Variants in SGCZ observed in about 807,000 individuals in gnomAD.
SGCZ encodes zeta-sarcoglycan.
Under a neutral mutation model 41.3 loss-of-function variants are expected in SGCZ, and 40 were observed. That is an observed-to-expected ratio of 0.97 (90% CI 0.75 to 1.26). The LOEUF is 1.26. Ranked by LOEUF, SGCZ falls within the 50% of genes most tolerant of loss-of-function variation. SGCZ has a pLI of 0.00. For missense variants in SGCZ, 552 were observed against 369.8 expected (o/e 1.49, Z -4.04); for synonymous variants, 206 against 137.5 (o/e 1.50, Z -3.49).
At chr8:14,783,433 C>CAA (rs879664630) in intron 1 of SGCZ, among the ~76,000 whole-genome samples, 2 of 84,632 alleles carry the variant, frequency 2.4e-5, no homozygotes. Flanking sequence ...GATTTTGTCT[C>CAA]AAAAAAAAAA....
intron 1 of SGCZ, among the ~76,000 whole-genome samples, chr8:15,075,990 T>A (rs956557027): frequency 2.0e-5 from 3 of 151,988 alleles, no homozygotes; most frequent in Non-Finnish European, 4.4e-5. Context: ...GGAACTAATA[T>A]CATACAGAGA....
chr8:14,145,186 C>T (rs1011670870), intron 5 of SGCZ, among the ~76,000 whole-genome samples: 24 of 152,226 alleles, frequency 1.6e-4, no homozygotes, highest in Non-Finnish European at 2.9e-4. Flanking sequence ...TGGTAGGGGC[C>T]ACAGGGGTGC....
intron 5 of SGCZ, among the ~76,000 whole-genome samples, chr8:14,121,742 G>C (rs2117036564): frequency 6.6e-6 from 1 of 152,242 alleles, no homozygotes; most frequent in East Asian, 1.9e-4. Flanking sequence ...CCAAAAATTT[G>C]AGTTCCAGAT....
At chr8:15,116,378 TA>T (rs1384667579) in intron 1 of SGCZ, among the ~76,000 whole-genome samples, 9 of 152,230 alleles carry the variant, frequency 5.9e-5, no homozygotes, top group Admixed American at 5.9e-4. Context: ...AACCTACAGA[TA>T]AGATAATACT....
At chr8:14,760,250 C>A (rs1799818706) in intron 1 of SGCZ, among the ~76,000 whole-genome samples, 1 of 152,166 alleles carries the variant, frequency 6.6e-6, no homozygotes, top group Admixed American at 6.5e-5. Context: ...CCCTTCGTAG[C>A]CTTTAACAAC....
chr8:14,524,948 A>C (rs1334465639), intron 2 of SGCZ, among the ~76,000 whole-genome samples: 1 of 152,078 alleles, frequency 6.6e-6, no homozygotes, highest in Non-Finnish European at 1.5e-5. Flanking sequence ...CTTCTCAGAG[A>C]GTTCAAAACA....
chr8:15,158,701 A>G (rs1050326789), intron 1 of SGCZ, among the ~76,000 whole-genome samples: 39 of 152,212 alleles, frequency 2.6e-4, no homozygotes, highest in African/African-American at 9.4e-4. Flanking sequence ...TGAGGCCTCT[A>G]GGGCATGGTC....
At chr8:14,683,233 T>A (rs1482713555) in intron 1 of SGCZ, among the ~76,000 whole-genome samples, 1 of 152,112 alleles carries the variant, frequency 6.6e-6, no homozygotes, top group African/African-American at 2.4e-5. Context: ...ATAATAACAA[T>A]AAATGCTTAC....
At chr8:14,883,776 G>GT (rs1233614779) in intron 1 of SGCZ, among the ~76,000 whole-genome samples, 7,082 of 86,014 alleles carry the variant, frequency 0.082, 260 homozygotes, top group African/African-American at 0.1. Context: ...GCATCCTGTT[G>GT]TTTTTTTTTT....
chr8:14,406,518 A>G (rs6530770), intron 2 of SGCZ, among the ~76,000 whole-genome samples: 20,433 of 152,114 alleles, frequency 0.13, 3,006 homozygotes, highest in African/African-American at 0.36. Flanking sequence ...GAAAACAAAC[A>G]TTGTTGAATG....
At chr8:14,269,619 T>C (rs1036492208) in intron 3 of SGCZ, among the ~76,000 whole-genome samples, 4 of 152,132 alleles carry the variant, frequency 2.6e-5, no homozygotes, top group Non-Finnish European at 4.4e-5. Context: ...CTTTGGGTCA[T>C]TGATCTCCAT....
chr8:14,593,038 A>C (rs1805289177), intron 1 of SGCZ, among the ~76,000 whole-genome samples: 1 of 152,164 alleles, frequency 6.6e-6, no homozygotes, highest in Non-Finnish European at 1.5e-5. Context: ...ATTGTCAAAT[A>C]ATATCAACCA....
chr8:14,616,580 T>C (rs1410361166), intron 1 of SGCZ, among the ~76,000 whole-genome samples: 1 of 152,120 alleles, frequency 6.6e-6, no homozygotes, highest in Non-Finnish European at 1.5e-5. Context: ...AACATCCCTG[T>C]CCAGGTGTTC....
intron 2 of SGCZ, among the ~76,000 whole-genome samples, chr8:14,416,522 A>G (rs11990060): frequency 0.11 from 17,431 of 151,892 alleles, 2,023 homozygotes; most frequent in African/African-American, 0.3. Context: ...TGAAGGCCCC[A>G]GATGCCTCCG....
chr8:14,749,691 A>T (rs950989315), intron 1 of SGCZ, among the ~76,000 whole-genome samples: 3 of 152,164 alleles, frequency 2.0e-5, no homozygotes, highest in Non-Finnish European at 4.4e-5. Context: ...AAAGAAATAT[A>T]CACATACAAA....
chr8:14,261,544 A>T (rs944485134), intron 3 of SGCZ, among the ~76,000 whole-genome samples: 3 of 152,198 alleles, frequency 2.0e-5, no homozygotes, highest in Non-Finnish European at 4.4e-5. Flanking sequence ...CAGCCTCTGT[A>T]AGAACAATGC....
intron 3 of SGCZ, among the ~76,000 whole-genome samples, chr8:14,305,969 C>A (rs1801336920): frequency 1.3e-5 from 2 of 152,196 alleles, no homozygotes; most frequent in African/African-American, 2.4e-5. Flanking sequence ...TTTCAACCAT[C>A]ATACCGACTT....
intron 1 of SGCZ, among the ~76,000 whole-genome samples, chr8:14,868,451 C>A (rs1804015220): frequency 1.3e-5 from 2 of 152,204 alleles, no homozygotes; most frequent in South Asian, 2.1e-4. Context: ...CATTATGAAA[C>A]CATGAACTTC....
intron 4 of SGCZ, among the ~76,000 whole-genome samples, chr8:14,220,097 G>T (rs73664179): frequency 1.3e-5 from 2 of 152,000 alleles, no homozygotes; most frequent in African/African-American, 4.8e-5. Context: ...CTAATAGATC[G>T]GTGCTTCTAT....
Sources: allele counts gnomAD v4.1 joint callset (sites outside exome capture counted in the v4.1 genomes callset), GRCh38; gene constraint gnomAD v4.1.1; transcripts MANE v1.5; gene names NCBI Gene and HGNC (gene_info 2026-07-23, HGNC 2026-07-21).